Variants in SNX18 observed in about 807,000 individuals in gnomAD.
The protein encoded by SNX18 is sorting nexin 18, also known as sorting nexin-18.
In SNX18, 35 loss-of-function variants were observed where a neutral mutation model predicts 48.7. That is an observed-to-expected ratio of 0.72 (90% CI 0.55 to 0.95). SNX18 has a LOEUF of 0.95. Ranked by LOEUF, SNX18 falls within the 40% of genes least tolerant of loss-of-function variation. The pLI is 0.00. For missense variants in SNX18, 824 were observed against 871.0 expected (o/e 0.95, Z 0.68); for synonymous variants, 492 against 384.7 (o/e 1.28, Z -3.26).
the SNX18 span, among the ~76,000 whole-genome samples, chr5:54,605,144 A>G: frequency 6.6e-5 from 10 of 152,148 alleles, no homozygotes; most frequent in African/African-American, 2.4e-5. Context: ...GCTGACTTCT[A>G]CTGGACTTTA....
the SNX18 span, among the ~76,000 whole-genome samples, chr5:54,608,342 G>T: frequency 6.6e-6 from 1 of 151,816 alleles, no homozygotes; most frequent in Non-Finnish European, 1.5e-5. Flanking sequence ...CATGTCTTTT[G>T]CCCATTTTCT....
intron 1 of SNX18, among the ~76,000 whole-genome samples, chr5:54,539,117 G>T (rs779907928): frequency 1.3e-5 from 2 of 151,996 alleles, no homozygotes. Flanking sequence ...ATTGCAGCCT[G>T]GAATTCCTGG....
chr5:54,635,180 T>C, the SNX18 span, among the ~76,000 whole-genome samples: 1 of 151,852 alleles, frequency 6.6e-6, no homozygotes, highest in African/African-American at 2.4e-5. Context: ...AATATATTTG[T>C]GTTGCTCTGG....
At chr5:54,568,466 GA>G in the SNX18 span, among the ~76,000 whole-genome samples, 1 of 152,118 alleles carries the variant, frequency 6.6e-6, no homozygotes, top group Non-Finnish European at 1.5e-5. Context: ...CCCTCAATGG[GA>G]ACCCCTACTT....
At chr5:54,616,597 G>C in the SNX18 span, among the ~76,000 whole-genome samples, 1 of 152,036 alleles carries the variant, frequency 6.6e-6, no homozygotes, top group African/African-American at 2.4e-5. Flanking sequence ...GTGAAACCCT[G>C]TGTCTACTAA....
chr5:54,625,761 G>A, the SNX18 span, among the ~76,000 whole-genome samples: 4,116 of 152,218 alleles, frequency 0.027, 180 homozygotes, highest in African/African-American at 0.092. Context: ...TTCTCTGACT[G>A]CAGTCATTGG....
At chr5:54,540,423 C>T (rs949245705) in intron 1 of SNX18, among the ~76,000 whole-genome samples, 15 of 152,062 alleles carry the variant, frequency 9.9e-5, no homozygotes. Context: ...CACCATGTTG[C>T]CCAGGCTGGT....
chr5:54,547,074 T>G (rs1762587971), downstream of SNX18, among the ~76,000 whole-genome samples: 1 of 152,232 alleles, frequency 6.6e-6, no homozygotes, highest in Admixed American at 6.5e-5. Flanking sequence ...CTTTACAGAT[T>G]TGTTTTACAT....
chr5:54,584,526 G>T, the SNX18 span, among the ~76,000 whole-genome samples: 2 of 152,150 alleles, frequency 1.3e-5, no homozygotes, highest in East Asian at 3.9e-4. Context: ...TATTTGCATA[G>T]GTGGAGTGTG....
At chr5:54,587,098 A>T in the SNX18 span, among the ~76,000 whole-genome samples, 1 of 151,696 alleles carries the variant, frequency 6.6e-6, no homozygotes, top group South Asian at 2.1e-4. Context: ...TTCCCCTGGG[A>T]TATTCAGCTT....
At chr5:54,524,183 C>G (rs1010458917) in intron 1 of SNX18, among the ~76,000 whole-genome samples, 3 of 152,254 alleles carry the variant, frequency 2.0e-5, no homozygotes, top group East Asian at 1.9e-4. Flanking sequence ...ATAAGGTGAC[C>G]GTTGGTGCTT....
chr5:54,645,543 G>A, the SNX18 span: 1 of 152,190 alleles, frequency 6.6e-6, no homozygotes, highest in East Asian at 1.9e-4. Flanking sequence ...GGGATCAGAG[G>A]CCATCCTTTG....
chr5:54,580,293 T>C, the SNX18 span, among the ~76,000 whole-genome samples: 1 of 152,242 alleles, frequency 6.6e-6, no homozygotes, highest in African/African-American at 2.4e-5. Context: ...TTTATGCTTT[T>C]GTATGATTGC....
chr5:54,592,832 A>T, the SNX18 span, among the ~76,000 whole-genome samples: 1 of 152,082 alleles, frequency 6.6e-6, no homozygotes, highest in African/African-American at 2.4e-5. Flanking sequence ...ATGGAGTCTC[A>T]CTCTGTCATC....
At chr5:54,570,881 A>G in the SNX18 span, among the ~76,000 whole-genome samples, 1 of 152,256 alleles carries the variant, frequency 6.6e-6, no homozygotes, top group African/African-American at 2.4e-5. Context: ...AAGTATTTTT[A>G]AATGAAAGTG....
the SNX18 span, among the ~76,000 whole-genome samples, chr5:54,589,259 G>T: frequency 6.6e-6 from 1 of 151,984 alleles, no homozygotes; most frequent in Non-Finnish European, 1.5e-5. Context: ...TTCACTAGCT[G>T]CCGGCTCTCA....
At chr5:54,614,588 C>T in the SNX18 span, among the ~76,000 whole-genome samples, 8 of 152,208 alleles carry the variant, frequency 5.3e-5, no homozygotes, top group African/African-American at 1.7e-4. Context: ...AGGTAAATTG[C>T]TTGAGCTCAA....
chr5:54,617,980 A>G, the SNX18 span, among the ~76,000 whole-genome samples: 1 of 152,228 alleles, frequency 6.6e-6, no homozygotes, highest in African/African-American at 2.4e-5. Flanking sequence ...GAAGGGGAAC[A>G]GCATTCCAGG....
intron 1 of SNX18, among the ~76,000 whole-genome samples, chr5:54,532,066 A>G (rs138292480): frequency 1.8e-3 from 279 of 152,330 alleles, no homozygotes; most frequent in Middle Eastern, 6.8e-3. Context: ...TCTCGTAAAG[A>G]GCAGGGGCCA....
Sources: gnomAD v4.1 joint callset for allele counts (sites outside exome capture counted in the v4.1 genomes callset) on GRCh38, gnomAD v4.1.1 for gene constraint, MANE v1.5 for transcripts, NCBI Gene and HGNC (gene_info 2026-07-23, HGNC 2026-07-21) for gene names.